The following STK35 variants were observed in gnomAD, a reference collection of about 807,000 sequenced individuals.
STK35 encodes serine/threonine kinase 35.
Under a neutral mutation model 37.3 loss-of-function variants are expected in STK35, and 17 were observed. That is an observed-to-expected ratio of 0.46 (90% confidence interval 0.31 to 0.68). The LOEUF (loss-of-function observed/expected upper bound fraction) is 0.68. Ranked by LOEUF, STK35 falls within the 30% of genes least tolerant of loss-of-function variation. The pLI, the probability that STK35 is intolerant of heterozygous loss-of-function variation, is 0.05. For missense variants in STK35, 595 were observed against 746.7 expected (o/e 0.80, Z 2.37); for synonymous variants, 385 against 319.1 (o/e 1.21, Z -2.20).
intron 3 of STK35, among the ~76,000 whole-genome samples, chr20:2,128,970 G>T (rs1985953197): frequency 1.3e-5 from 2 of 152,032 alleles, no homozygotes; most frequent in South Asian, 4.2e-4. Context: ...GATTATAAGT[G>T]CATGCCACCA....
intron 2 of STK35, among the ~76,000 whole-genome samples, chr20:2,104,841 G>C (rs1392612457): frequency 1.3e-5 from 2 of 152,024 alleles, no homozygotes; most frequent in East Asian, 3.9e-4. Context: ...CTCTCCCCAG[G>C]GTGAGTGTTT....
chr20:2,104,923 T>C (rs924416872), intron 2 of STK35, among the ~76,000 whole-genome samples: 1 of 151,218 alleles, frequency 6.6e-6, no homozygotes, highest in African/African-American at 2.4e-5. Flanking sequence ...GAGGCTGAGG[T>C]GGGAGGATGG....
intron 3 of STK35, among the ~76,000 whole-genome samples, chr20:2,137,024 G>A (rs1018857436): frequency 6.6e-6 from 1 of 152,242 alleles, no homozygotes; most frequent in Non-Finnish European, 1.5e-5. Flanking sequence ...AAAGCAGGAG[G>A]GAGGCTGTCA....
rs151081663 is a variant in STK35, at chr20:2,134,589, A to G, written c.*38-9195A>G. ...CAGAACCTGAATGGTGTGTTATTCT[A>G]CCATTTAAAAAATGCCTGGGGCCTG... On this transcript the variant is annotated intron_variant, in intron 3 of 3. Coordinates refer to ENST00000381482, the MANE Select transcript of STK35 (RefSeq NM_080836.4). Among the ~76,000 whole-genome samples, 865 of 152,212 alleles carry G rather than the reference A, an allele frequency of 5.7e-3. 9 individuals are homozygous for G. Among genetic ancestry groups the G allele is most frequent in the African/African-American group, 0.02 (823 of 41,526 alleles).
chr20:2,126,554 A>T (rs908058883), intron 3 of STK35, among the ~76,000 whole-genome samples: 1 of 152,188 alleles, frequency 6.6e-6, no homozygotes, highest in Non-Finnish European at 1.5e-5. Flanking sequence ...CTGGAGATAC[A>T]CTGTGGACCC....
intron 2 of STK35, among the ~76,000 whole-genome samples, chr20:2,105,872 C>T (rs1340741189): frequency 6.6e-6 from 1 of 152,186 alleles, no homozygotes; most frequent in Non-Finnish European, 1.5e-5. Context: ...TTCATCCTCC[C>T]TTTGTGAACT....
At chr20:2,108,650 A>G (rs1382153677) in intron 2 of STK35, among the ~76,000 whole-genome samples, 1 of 152,120 alleles carries the variant, frequency 6.6e-6, no homozygotes, top group Non-Finnish European at 1.5e-5. Context: ...CTACTCTTGA[A>G]TGACTTGGGG....
At chr20:2,112,265 C>T (rs376055792) in intron 2 of STK35, among the ~76,000 whole-genome samples, 40 of 152,246 alleles carry the variant, frequency 2.6e-4, no homozygotes, top group African/African-American at 7.7e-4. Context: ...CGTTTTTCAG[C>T]GAAGCAAGCC....
At position 2,134,834 on chromosome 20, in the gene STK35, T is replaced by G. The variant is rs188370600; in HGVS notation, c.*38-8950T>G. 4.5e-4 allele frequency among the ~76,000 whole-genome samples: 68 copies of G among 152,010 alleles called. No individual in the cohort carries two copies. The East Asian group carries it at 6.4e-3, about 14-fold the overall frequency. ...TGAACCCGGGAGGTGGAGGTTGCAGTGAGCCGAGATTGTGTCATTGCACTC... is the reference window on the plus strand; with the variant it reads ...TGAACCCGGGAGGTGGAGGTTGCAGGGAGCCGAGATTGTGTCATTGCACTC... On this transcript the variant is annotated intron_variant, in intron 3 of 3. Transcript: ENST00000381482.
intron 2 of STK35, among the ~76,000 whole-genome samples, chr20:2,114,331 T>A (rs1020786786): frequency 3.3e-5 from 5 of 151,982 alleles, no homozygotes; most frequent in Admixed American, 2.6e-4. Context: ...CTTTTGGAAG[T>A]ACGTTGGGAA....
In STK35 at chr20:2,117,899, A is replaced by G. The variant is rs1299273988; in HGVS notation, c.*37+484A>G. 2.6e-5 allele frequency among the ~76,000 whole-genome samples: 4 copies of G among 152,206 alleles called. No homozygotes were observed. The highest frequency in any genetic ancestry group is 5.9e-5 in the Non-Finnish European group (4 of 68,032). On this transcript the variant is annotated intron_variant, in intron 3 of 3. Coordinates refer to ENST00000381482, the MANE Select transcript of STK35 (RefSeq NM_080836.4). This position sits in a 1 kb window ranked among gnomAD's most constrained non-coding sequence, Gnocchi z 4.4. Reference sequence around the variant, plus strand: ...CATATCTTGATGGGAGAAACGTGCAATTATCTGAGTACACGTTGGAAAGTC... The same window carrying G: ...CATATCTTGATGGGAGAAACGTGCAGTTATCTGAGTACACGTTGGAAAGTC...
chr20:2,145,598 C>G lies in STK35; in HGVS notation c.*1852C>G, dbSNP rs1391636166. The G allele has an allele frequency of 6.6e-6, 1 of 152,202 alleles. No homozygotes were observed. Among genetic ancestry groups the G allele is most frequent in the Non-Finnish European group, 1.5e-5 (1 of 68,046 alleles). The allele number at this position is 152,202 out of a possible 1,614,324, so 9.4% of individuals were successfully genotyped here. A position where few individuals can be genotyped will look rare whatever the true frequency, so the allele number is the denominator to read the frequency against. On this transcript the variant is annotated 3_prime_UTR_variant, in exon 4 of 4. Coordinates refer to ENST00000381482, the MANE Select transcript of STK35 (RefSeq NM_080836.4). ...GAAGGTTGGCTGCTGTTAGCAGGAT[C>G]CCACAGTGATAACCAGGCCCTTCCC...
intron 3 of STK35, among the ~76,000 whole-genome samples, chr20:2,132,508 C>CA (rs1418247934): frequency 6.6e-6 from 1 of 152,066 alleles, no homozygotes; most frequent in Non-Finnish European, 1.5e-5. Flanking sequence ...TTCATCCTGC[C>CA]AAAAAAGACA....
At chr20:2,134,175 G>A (rs1367314619) in intron 3 of STK35, among the ~76,000 whole-genome samples, 8 of 150,972 alleles carry the variant, frequency 5.3e-5, no homozygotes, top group Non-Finnish European at 1.0e-4. Context: ...CAGGAGAATC[G>A]CTTGAACCCG....
At chr20:2,134,319 G>A (rs1986049148) in intron 3 of STK35, among the ~76,000 whole-genome samples, 1 of 151,738 alleles carries the variant, frequency 6.6e-6, no homozygotes, top group African/African-American at 2.4e-5. Flanking sequence ...TTTCAAGGAG[G>A]AGGAGGACCT....
chr20:2,112,096 T>C (rs913937086), intron 2 of STK35, among the ~76,000 whole-genome samples: 9 of 152,224 alleles, frequency 5.9e-5, no homozygotes, highest in African/African-American at 2.2e-4. Context: ...GCTCAGAAAT[T>C]GTTGAAGTGG....
In STK35 at chr20:2,144,322, G is replaced by A. The variant is rs1037154378; in HGVS notation, c.*576G>A. The A allele has an allele frequency of 2.2e-5, 4 of 181,296 alleles. No individual in the cohort carries two copies. Among genetic ancestry groups the A allele is most frequent in the East Asian group, 3.7e-4 (2 of 5,400 alleles). 11.2% of individuals were successfully genotyped at this position (181,296 alleles called of 1,614,324 possible). A position where few individuals can be genotyped will look rare whatever the true frequency, so the allele number is the denominator to read the frequency against. ...AGATGCAGGAACTCCTGGACTCCTTGGTGGGCTGGCCCTGGCTAGCCCTTG... is the reference window on the plus strand; with the variant it reads ...AGATGCAGGAACTCCTGGACTCCTTAGTGGGCTGGCCCTGGCTAGCCCTTG... On this transcript the variant is annotated 3_prime_UTR_variant, in exon 4 of 4. Transcript: ENST00000381482.
chr20:2,135,897 CTG>C (rs1986078690), intron 3 of STK35, among the ~76,000 whole-genome samples: 1 of 152,120 alleles, frequency 6.6e-6, no homozygotes, highest in African/African-American at 2.4e-5. Flanking sequence ...ACTCAGGAAA[CTG>C]AGGCGGAAGG....
At chr20:2,132,156 T>C (rs1483017974) in intron 3 of STK35, among the ~76,000 whole-genome samples, 1 of 152,156 alleles carries the variant, frequency 6.6e-6, no homozygotes, top group Non-Finnish European at 1.5e-5. Context: ...AGGCCAGAGC[T>C]CCAGTGCTCA....
Sources: allele counts gnomAD v4.1 joint callset (sites outside exome capture counted in the v4.1 genomes callset), GRCh38; gene constraint gnomAD v4.1.1; non-coding constraint Gnocchi (gnomAD v3.1); transcripts MANE v1.5; gene names NCBI Gene and HGNC (gene_info 2026-07-23, HGNC 2026-07-21).